Variants in EEFSEC observed in about 807,000 individuals in gnomAD.
EEFSEC encodes selenocysteine-specific elongation factor.
EEFSEC carries 43 observed loss-of-function variants against 42.1 expected under a neutral mutation model. That is an observed-to-expected ratio of 1.02 (90% confidence interval 0.80 to 1.32). The LOEUF is 1.32. Among genes scored for constraint, EEFSEC ranks in the 40% most tolerant of loss-of-function variants. The pLI is 0.00. For missense variants in EEFSEC, 745 were observed against 803.6 expected, an observed-to-expected ratio of 0.93 and a Z score of 0.88; for synonymous variants, 354 against 339.1, an observed-to-expected ratio of 1.04 and a Z score of -0.48.
chr3:128,194,145 G>A (rs2811511), intron 1 of EEFSEC, among the ~76,000 whole-genome samples: 21,466 of 152,220 alleles, frequency 0.14, 1,731 homozygotes, highest in African/African-American at 0.21. Context: ...GTCTTGGGAC[G>A]TGAAATCTTT....
chr3:128,248,137 T>C (rs1415253349), intron 2 of EEFSEC, among the ~76,000 whole-genome samples: 2 of 152,196 alleles, frequency 1.3e-5, no homozygotes, highest in East Asian at 1.9e-4. Context: ...ACAGACCTCA[T>C]TGTTTTATCA....
intron 2 of EEFSEC, among the ~76,000 whole-genome samples, chr3:128,252,586 A>G (rs556992964): frequency 2.1e-4 from 32 of 152,144 alleles, no homozygotes; most frequent in Non-Finnish European, 3.8e-4. Context: ...TGGCTTGACT[A>G]TTGAGAAAAG....
chr3:128,297,606 C>A (rs1166154178), intron 4 of EEFSEC, among the ~76,000 whole-genome samples: 1 of 152,126 alleles, frequency 6.6e-6, no homozygotes, highest in Non-Finnish European at 1.5e-5. Flanking sequence ...GAGCTTCCTG[C>A]CTCATTCTCA....
At chr3:128,327,162 G>T (rs1257069601) in intron 4 of EEFSEC, among the ~76,000 whole-genome samples, 3 of 152,064 alleles carry the variant, frequency 2.0e-5, no homozygotes, top group African/African-American at 7.2e-5. Flanking sequence ...TCAGACTGCT[G>T]CCCTGTCTTT....
intron 2 of EEFSEC, among the ~76,000 whole-genome samples, chr3:128,250,158 C>T (rs2107905247): frequency 6.6e-6 from 1 of 152,162 alleles, no homozygotes; most frequent in East Asian, 1.9e-4. Context: ...ACATTAATCC[C>T]TTGTCAGAGA....
intron 1 of EEFSEC, among the ~76,000 whole-genome samples, chr3:128,216,928 T>A: frequency 6.6e-6 from 1 of 152,208 alleles, no homozygotes; most frequent in East Asian, 1.9e-4. Flanking sequence ...CTTGACCTCA[T>A]AGATGGAGAC....
At chr3:128,331,210 A>G (rs1201947287) in intron 4 of EEFSEC, among the ~76,000 whole-genome samples, 1 of 19,710 alleles carries the variant, frequency 5.1e-5, no homozygotes, top group Non-Finnish European at 9.0e-5. Context: ...TCCTCAGTAC[A>G]TCTCCCCTCT....
At chr3:128,395,284 A>G (rs543611921) in intron 6 of EEFSEC, among the ~76,000 whole-genome samples, 1 of 152,212 alleles carries the variant, frequency 6.6e-6, no homozygotes, top group African/African-American at 2.4e-5. Context: ...CCAGACCCTC[A>G]GCCAGGGCCT....
intron 1 of EEFSEC, among the ~76,000 whole-genome samples, chr3:128,181,600 T>G (rs1377256260): frequency 6.6e-6 from 1 of 152,214 alleles, no homozygotes; most frequent in Non-Finnish European, 1.5e-5. Context: ...TGTCTCTCCT[T>G]TGAAAGGTCT....
chr3:128,368,104 G>A (rs2067611547), intron 6 of EEFSEC, among the ~76,000 whole-genome samples: 1 of 152,246 alleles, frequency 6.6e-6, no homozygotes, highest in African/African-American at 2.4e-5. Flanking sequence ...GCTACAGCCA[G>A]TCACAGCAGA....
intron 4 of EEFSEC, among the ~76,000 whole-genome samples, chr3:128,294,742 G>A (rs1399592842): frequency 6.6e-6 from 1 of 152,252 alleles, no homozygotes; most frequent in Non-Finnish European, 1.5e-5. Flanking sequence ...AAGGTAAGGG[G>A]AGGGTATTCC....
chr3:128,153,539 G>A lies in EEFSEC; in HGVS notation c.32G>A (p.Gly11Asp). The change falls in exon 1 of 7, where the codon GGC becomes GAC. Residue 11 changes from glycine to aspartate, a missense_variant. Transcript: ENST00000254730. Reference sequence around the variant, plus strand: ...GGGCGGCGGGTGAACGTGAACGTGGGCGTGCTGGGCCACATCGACAGCGGC... The same window carrying A: ...GGGCGGCGGGTGAACGTGAACGTGGACGTGCTGGGCCACATCGACAGCGGC... MAGRRVNVNV[G>D]VLGHIDSGKT... 2 of 1,521,620 alleles carry A rather than the reference G, an allele frequency of 1.3e-6. No individual in the cohort carries two copies. Among genetic ancestry groups the A allele is most frequent in the Non-Finnish European group, 1.8e-6 (2 of 1,140,966 alleles). 94.3% of individuals were successfully genotyped at this position (1,521,620 alleles called of 1,614,324 possible).
At chr3:128,258,681 G>A (rs1010258992) in intron 2 of EEFSEC, among the ~76,000 whole-genome samples, 1 of 152,182 alleles carries the variant, frequency 6.6e-6, no homozygotes, top group Non-Finnish European at 1.5e-5. Flanking sequence ...ATTTGAAAGT[G>A]ATAGCAAACT....
At position 128,153,747 on chromosome 3, in the gene EEFSEC, G is replaced by A. The variant is rs1486622593; in HGVS notation, c.240G>A (p.Glu80=). Residue 80 remains glutamate (E), a synonymous_variant, in exon 1 of 7, where the codon GAG becomes GAA. Transcript: ENST00000254730. ...AGGCAGCGCCCGAGGCCGAGCCCGA[G>A]CCCGGCGAGCCACTGCTTCAGGTCA... ...EFQAAPEAEP[E]PGEPLLQVTL... The A allele has an allele frequency of 3.3e-6, 5 of 1,535,156 alleles. No individual in the cohort carries two copies. Among genetic ancestry groups the A allele is most frequent in the Non-Finnish European group, 4.4e-6 (5 of 1,149,224 alleles).
intron 4 of EEFSEC, among the ~76,000 whole-genome samples, chr3:128,298,200 C>G (rs1369989223): frequency 6.6e-6 from 1 of 152,202 alleles, no homozygotes; most frequent in Non-Finnish European, 1.5e-5. Context: ...GTCTCTGTCA[C>G]TCATGCTGGA....
chr3:128,182,080 C>T (rs1018121809), intron 1 of EEFSEC, among the ~76,000 whole-genome samples: 6 of 152,066 alleles, frequency 3.9e-5, no homozygotes, highest in African/African-American at 4.8e-5. Flanking sequence ...CCCAAAGTGC[C>T]GGGATTACAG....
chr3:128,211,634 G>GC (rs1576548269), intron 1 of EEFSEC, among the ~76,000 whole-genome samples: 1 of 151,130 alleles, frequency 6.6e-6, no homozygotes, highest in Non-Finnish European at 1.5e-5. Context: ...CCATGCCTCA[G>GC]CCCCCCAAGT....
At chr3:128,353,493 T>C (rs2067414229) in intron 5 of EEFSEC, among the ~76,000 whole-genome samples, 1 of 152,220 alleles carries the variant, frequency 6.6e-6, no homozygotes, top group Non-Finnish European at 1.5e-5. Context: ...TGGTGGGGGC[T>C]GGGGTCCCTG....
chr3:128,227,848 C>T (rs538466234), intron 1 of EEFSEC, among the ~76,000 whole-genome samples: 6 of 152,350 alleles, frequency 3.9e-5, no homozygotes, highest in African/African-American at 1.4e-4. Context: ...CTGGGGTCTT[C>T]TCCAAGTGGA....
Sources: allele counts gnomAD v4.1 joint callset (sites outside exome capture counted in the v4.1 genomes callset), GRCh38; gene constraint gnomAD v4.1.1; transcripts MANE v1.5; gene names NCBI Gene and HGNC (gene_info 2026-07-23, HGNC 2026-07-21).